The following CSMD1 variants were observed in gnomAD, a reference collection of about 807,000 sequenced individuals.
CSMD1 encodes CUB and Sushi multiple domains 1, also known as CUB and sushi domain-containing protein 1.
A neutral mutation model predicts 417.5 loss-of-function variants in CSMD1; 213 were observed. The ratio of observed to expected loss-of-function variants is 0.51; its 90% confidence interval spans 0.46 to 0.57. CSMD1 has a LOEUF of 0.57. Among genes scored for constraint, CSMD1 ranks in the 20% least tolerant of loss-of-function variants. The probability of loss-of-function intolerance (pLI) is 0.00; values close to 1 mark genes in which losing one functional copy is unlikely to be tolerated. For synonymous variants in CSMD1, 2,862 were observed against 1,736.8 expected (o/e 1.65, Z -16.11); for missense variants, 6,923 against 4,529.7 (o/e 1.53, Z -15.17).
At chr8:4,029,867 A>C (rs1797251817) in intron 4 of CSMD1, among the ~76,000 whole-genome samples, 3 of 151,796 alleles carry the variant, frequency 2.0e-5, no homozygotes, top group Middle Eastern at 3.4e-3. Context: ...AATTGGGTAA[A>C]TACAGCCATT....
chr8:4,268,607 G>C (rs1329760556), intron 3 of CSMD1, among the ~76,000 whole-genome samples: 1 of 152,090 alleles, frequency 6.6e-6, no homozygotes, highest in Non-Finnish European at 1.5e-5. Context: ...TGCAAGAGTA[G>C]CTATGGGATT....
chr8:4,658,382 C>T (rs1269631356), intron 1 of CSMD1, among the ~76,000 whole-genome samples: 2 of 152,002 alleles, frequency 1.3e-5, no homozygotes, highest in East Asian at 1.9e-4. Flanking sequence ...CACAACAGAT[C>T]CTTAGAAAGA....
intron 26 of CSMD1, among the ~76,000 whole-genome samples, chr8:3,274,314 C>A (rs572475380): frequency 6.6e-6 from 1 of 152,038 alleles, no homozygotes; most frequent in Admixed American, 6.6e-5. Flanking sequence ...AATTTCTGTT[C>A]TTTTATATTT....
intron 1 of CSMD1, among the ~76,000 whole-genome samples, chr8:4,809,706 A>G (rs1798787410): frequency 6.6e-6 from 1 of 152,240 alleles, no homozygotes; most frequent in Non-Finnish European, 1.5e-5. Flanking sequence ...CTAGCCTAGC[A>G]TATCCAAAAC....
At chr8:4,899,315 C>T (rs946064600) in intron 1 of CSMD1, among the ~76,000 whole-genome samples, 1 of 135,228 alleles carries the variant, frequency 7.4e-6, no homozygotes, top group Non-Finnish European at 1.6e-5. Context: ...AAATTCTTAC[C>T]TTTAAAATTG....
chr8:3,159,069 G>A (rs764342576), intron 38 of CSMD1, among the ~76,000 whole-genome samples: 1 of 152,060 alleles, frequency 6.6e-6, no homozygotes, highest in Non-Finnish European at 1.5e-5. Flanking sequence ...GATACTCCAG[G>A]TAATTTTGTG....
chr8:4,414,243 A>T (rs764876086), intron 3 of CSMD1, among the ~76,000 whole-genome samples: 1 of 152,170 alleles, frequency 6.6e-6, no homozygotes, highest in South Asian at 2.1e-4. Flanking sequence ...GATGTGTCAG[A>T]GGGAAATGCC....
chr8:4,870,023 C>T (rs1274914265), intron 1 of CSMD1, among the ~76,000 whole-genome samples: 4 of 151,932 alleles, frequency 2.6e-5, no homozygotes, highest in African/African-American at 4.8e-5. Context: ...TATGGACAAC[C>T]GTAAAGTATG....
At chr8:3,884,810 G>A (rs570793672) in intron 5 of CSMD1, among the ~76,000 whole-genome samples, 12 of 151,808 alleles carry the variant, frequency 7.9e-5, no homozygotes, top group South Asian at 2.1e-4. Flanking sequence ...GGTACGCTAC[G>A]CAAGGAGAAT....
intron 26 of CSMD1, among the ~76,000 whole-genome samples, chr8:3,264,026 A>G (rs1235191761): frequency 6.6e-6 from 1 of 152,174 alleles, no homozygotes; most frequent in Non-Finnish European, 1.5e-5. Context: ...AAGAGACTTC[A>G]GTTTTTTTCA....
At chr8:4,072,765 A>C (rs973364919) in intron 3 of CSMD1, among the ~76,000 whole-genome samples, 4 of 152,202 alleles carry the variant, frequency 2.6e-5, no homozygotes, top group Non-Finnish European at 4.4e-5. Flanking sequence ...CAATTCCTTC[A>C]CATGGAGCCT....
chr8:3,624,311 G>A (rs1474251731), intron 7 of CSMD1, among the ~76,000 whole-genome samples: 2 of 152,142 alleles, frequency 1.3e-5, no homozygotes, highest in African/African-American at 4.8e-5. Context: ...TTTCCATGGA[G>A]AATATAATCC....
At chr8:4,543,335 C>A (rs1197895306) in intron 2 of CSMD1, among the ~76,000 whole-genome samples, 1 of 152,144 alleles carries the variant, frequency 6.6e-6, no homozygotes, top group Non-Finnish European at 1.5e-5. Flanking sequence ...ACCACCCATC[C>A]TTTTAGCGTC....
chr8:4,578,478 A>G (rs370325207), intron 2 of CSMD1, among the ~76,000 whole-genome samples: 53 of 151,404 alleles, frequency 3.5e-4, no homozygotes, highest in African/African-American at 1.2e-3. Flanking sequence ...ATAAACATAA[A>G]TCCTTCCACA....
chr8:4,807,031 C>G (rs532517973), intron 1 of CSMD1, among the ~76,000 whole-genome samples: 82 of 152,254 alleles, frequency 5.4e-4, no homozygotes, highest in African/African-American at 1.8e-3. Flanking sequence ...ACCTCATCAT[C>G]TCAAAATAGA....
intron 4 of CSMD1, among the ~76,000 whole-genome samples, chr8:4,030,703 T>G (rs781239574): frequency 3.3e-5 from 5 of 152,202 alleles, no homozygotes; most frequent in Non-Finnish European, 4.4e-5. Context: ...ATTTCTGCAG[T>G]TGGCTTGATT....
At chr8:4,131,789 G>A (rs1803123069) in intron 3 of CSMD1, among the ~76,000 whole-genome samples, 1 of 125,100 alleles carries the variant, frequency 8.0e-6, no homozygotes, top group Non-Finnish European at 1.6e-5. Context: ...TTGAGACGGA[G>A]TCTCGCTCTG....
chr8:4,871,703 C>T (rs981922549), intron 1 of CSMD1, among the ~76,000 whole-genome samples: 5 of 152,036 alleles, frequency 3.3e-5, no homozygotes, highest in Admixed American at 6.5e-5. Flanking sequence ...GCAAAAATCC[C>T]AAGTAGCAGC....
chr8:3,409,629 C>T lies in CSMD1; in HGVS notation c.1562-24G>A, dbSNP rs769030535. The T allele has an allele frequency of 2.6e-6, 4 of 1,527,058 alleles. No homozygotes were observed. The African/African-American group carries it at 5.5e-5, about 21-fold the overall frequency. 94.6% of individuals were successfully genotyped at this position (1,527,058 alleles called of 1,614,324 possible). ...TTCTGAAAATGGAAAAACAAATGAA[C>T]CCTTAAAAAAACACACACAAGGAAT... On this transcript the variant is annotated intron_variant, in intron 12 of 69. Coordinates refer to ENST00000635120, the MANE Select transcript of CSMD1 (RefSeq NM_033225.6).
Sources: gnomAD v4.1 joint callset for allele counts (sites outside exome capture counted in the v4.1 genomes callset) on GRCh38, gnomAD v4.1.1 for gene constraint, MANE v1.5 for transcripts, NCBI Gene and HGNC (gene_info 2026-07-23, HGNC 2026-07-21) for gene names.